COL24A1: variants seen among roughly 807,000 people sequenced by gnomAD.
COL24A1 encodes the protein collagen type XXIV alpha 1 chain.
COL24A1 carries 224 observed loss-of-function variants against 253.9 expected under a neutral mutation model. That is an observed-to-expected ratio of 0.88 (90% CI 0.79 to 0.99). COL24A1 has a LOEUF of 0.99. Among genes scored for constraint, COL24A1 ranks in the 50% least tolerant of loss-of-function variants. The pLI is 0.00. For missense variants in COL24A1, 2,131 were observed against 2,068.5 expected (o/e 1.03, Z -0.59); for synonymous variants, 685 against 673.7 (o/e 1.02, Z -0.26).
rs557546983 is a variant in COL24A1 at position 85,917,847 on chromosome 1, G to A, written c.2563-6414C>T. Among the ~76,000 whole-genome samples the A allele has an allele frequency of 2.0e-5, 3 of 152,160 alleles. No individual in the cohort carries two copies. The East Asian group carries it at 5.8e-4, about 29-fold the overall frequency. On this transcript the variant is annotated intron_variant, in intron 24 of 59. Transcript: ENST00000370571. ...AGCCTCCTGAGCAGCTGGGACTACA[G>A]GCATGCACCACGACGCCCAGCTAAT...
At chr1:85,958,859 A>G (rs994655795) in intron 24 of COL24A1, among the ~76,000 whole-genome samples, 1 of 152,150 alleles carries the variant, frequency 6.6e-6, no homozygotes, top group South Asian at 2.1e-4. Context: ...TTAGAGACTC[A>G]TCTGGGGCAC....
intron 7 of COL24A1, among the ~76,000 whole-genome samples, chr1:86,068,794 T>C (rs1183810830): frequency 6.6e-6 from 1 of 151,830 alleles, no homozygotes; most frequent in Non-Finnish European, 1.5e-5. Flanking sequence ...AGCCACAGTG[T>C]AATAGAGCAC....
chr1:86,102,673 A>G (rs1704573527), intron 5 of COL24A1, among the ~76,000 whole-genome samples: 1 of 152,046 alleles, frequency 6.6e-6, no homozygotes, highest in South Asian at 2.1e-4. Context: ...TTTAATTTCA[A>G]TGTAATTGTA....
chr1:86,156,148 C>T, intron 1 of COL24A1, 193 bp downstream of exon 1: 1 of 548,494 alleles, frequency 1.8e-6, no homozygotes, highest in Non-Finnish European at 3.3e-6. Context: ...TCTGCTGGCA[C>T]GAGGCATCCT....
chr1:86,022,802 A>T (rs548192418), intron 16 of COL24A1, 31 bp downstream of exon 16: 1 of 1,375,990 alleles, frequency 7.3e-7, no homozygotes, highest in African/African-American at 1.5e-5. Context: ...TGTGATAAAA[A>T]TTATTTTTAT....
At chr1:85,746,532 AT>A (rs1665233982) in intron 55 of COL24A1, among the ~76,000 whole-genome samples, 1 of 152,214 alleles carries the variant, frequency 6.6e-6, no homozygotes, top group Non-Finnish European at 1.5e-5. Flanking sequence ...AAAAATCCTA[AT>A]TACCAATTGA....
chr1:85,735,000 G>A lies in COL24A1; in HGVS notation c.4783-36C>T, dbSNP rs767635261. On this transcript the variant is annotated intron_variant, in intron 58 of 59. Coordinates refer to ENST00000370571, the MANE Select transcript of COL24A1 (RefSeq NM_152890.7). Reference sequence around the variant, plus strand: ...AGAAATGATATGCAGGTTATAACATGGCAATTGAGAAACTTAACAGTTCAG... The same window carrying A: ...AGAAATGATATGCAGGTTATAACATAGCAATTGAGAAACTTAACAGTTCAG... The A allele has an allele frequency of 1.9e-6, 3 of 1,591,396 alleles. No homozygotes were observed. The African/African-American group carries it at 4.0e-5, about 21-fold the overall frequency.
chr1:86,063,130 A>G (rs919079822), intron 8 of COL24A1, among the ~76,000 whole-genome samples: 1 of 152,102 alleles, frequency 6.6e-6, no homozygotes, highest in Non-Finnish European at 1.5e-5. Context: ...TTCTGATGAG[A>G]GAAAAGCAAT....
intron 1 of COL24A1, among the ~76,000 whole-genome samples, chr1:86,151,637 G>A (rs766187268): frequency 6.6e-6 from 1 of 152,126 alleles, no homozygotes; most frequent in Admixed American, 6.5e-5. Flanking sequence ...ACATGTAAAT[G>A]ACTAATACCC....
At chr1:86,148,871 G>A (rs911988201) in intron 1 of COL24A1, among the ~76,000 whole-genome samples, 7 of 152,054 alleles carry the variant, frequency 4.6e-5, no homozygotes, top group African/African-American at 1.4e-4. Context: ...ACCCAGTAAT[G>A]GGATGGCTGG....
intron 55 of COL24A1, among the ~76,000 whole-genome samples, chr1:85,756,448 C>T (rs928851805): frequency 4.0e-5 from 6 of 151,868 alleles, no homozygotes; most frequent in African/African-American, 1.5e-4. Context: ...GTCTAATAAA[C>T]ACATGAAAAT....
intron 35 of COL24A1, among the ~76,000 whole-genome samples, chr1:85,870,527 C>T (rs548803401): frequency 3.3e-5 from 5 of 152,290 alleles, no homozygotes; most frequent in African/African-American, 9.6e-5. Context: ...CAAACTAGAA[C>T]TCAGGATTAA....
chr1:85,801,432 C>G (rs996280071), intron 47 of COL24A1, among the ~76,000 whole-genome samples: 1 of 152,174 alleles, frequency 6.6e-6, no homozygotes, highest in African/African-American at 2.4e-5. Context: ...ATTTATTTCT[C>G]CCATTTCCTT....
At chr1:85,855,724 G>A (rs1056561927) in intron 37 of COL24A1, among the ~76,000 whole-genome samples, 9 of 152,154 alleles carry the variant, frequency 5.9e-5, no homozygotes, top group African/African-American at 2.2e-4. Context: ...AATGAATAAG[G>A]GAGGAATCCC....
intron 43 of COL24A1, among the ~76,000 whole-genome samples, chr1:85,825,525 T>A (rs1329467795): frequency 6.6e-6 from 1 of 152,124 alleles, no homozygotes; most frequent in Non-Finnish European, 1.5e-5. Flanking sequence ...GTTGAACTAG[T>A]TTACAGTCCC....
intron 47 of COL24A1, among the ~76,000 whole-genome samples, chr1:85,806,492 G>A (rs1198730596): frequency 6.6e-6 from 1 of 152,202 alleles, no homozygotes; most frequent in Non-Finnish European, 1.5e-5. Flanking sequence ...CTGTTGTAGT[G>A]CAAAAGCAGC....
chr1:85,813,025 T>C (rs1035505989), intron 47 of COL24A1, among the ~76,000 whole-genome samples: 9 of 152,186 alleles, frequency 5.9e-5, no homozygotes, highest in Admixed American at 5.9e-4. Context: ...CTACCAAAAG[T>C]TCTTCTGGTA....
chr1:86,128,874 AT>A (rs1648728443), intron 2 of COL24A1, among the ~76,000 whole-genome samples: 1 of 151,890 alleles, frequency 6.6e-6, no homozygotes, highest in Admixed American at 6.6e-5. Flanking sequence ...TTATTGACTA[AT>A]AGTTTTATGT....
At chr1:86,104,876 G>A (rs1704808490) in intron 5 of COL24A1, among the ~76,000 whole-genome samples, 1 of 152,240 alleles carries the variant, frequency 6.6e-6, no homozygotes, top group Non-Finnish European at 1.5e-5. Flanking sequence ...CAGCGGCCGA[G>A]TGGCAGGATG....
Sources: allele counts gnomAD v4.1 joint callset (sites outside exome capture counted in the v4.1 genomes callset), GRCh38; gene constraint gnomAD v4.1.1; transcripts MANE v1.5; gene names NCBI Gene and HGNC (gene_info 2026-07-23, HGNC 2026-07-21).